Variants in DNAH11 observed in about 807,000 individuals in gnomAD.
The protein encoded by DNAH11 is axonemal beta dynein heavy chain 11.
DNAH11 carries 442 observed loss-of-function variants against 526.0 expected under a neutral mutation model. That is an observed-to-expected ratio of 0.84 (90% CI 0.78 to 0.91). The LOEUF (loss-of-function observed/expected upper bound fraction) is 0.91. Ranked by LOEUF, DNAH11 falls within the 40% of genes least tolerant of loss-of-function variation. The probability of loss-of-function intolerance (pLI) is 0.00; values close to 1 mark genes in which losing one functional copy is unlikely to be tolerated. For synonymous variants in DNAH11, 2,461 were observed against 1,935.9 expected, an observed-to-expected ratio of 1.27 and a Z score of -7.12; for missense variants, 6,989 against 5,448.7, an observed-to-expected ratio of 1.28 and a Z score of -8.90.
At chr7:21,765,879 A>G (rs779854418) in intron 55 of DNAH11, among the ~76,000 whole-genome samples, 7 of 152,176 alleles carry the variant, frequency 4.6e-5, no homozygotes, top group Admixed American at 1.3e-4. Context: ...GCACTGACTC[A>G]CTGGAAGCCC....
intron 6 of DNAH11, among the ~76,000 whole-genome samples, chr7:21,565,040 C>A (rs1783607463): frequency 6.6e-6 from 1 of 152,168 alleles, no homozygotes; most frequent in Admixed American, 6.5e-5. Flanking sequence ...CTACATAATC[C>A]AGTGGTTCTT....
In DNAH11 at chr7:21,600,878, C is replaced by T. The variant is rs1160449328; in HGVS notation, c.3203C>T (p.Ala1068Val). The T allele has an allele frequency of 1.2e-6, 2 of 1,613,778 alleles. No homozygotes were observed. The highest frequency in any genetic ancestry group is 2.7e-5 in the African/African-American group (2 of 74,928). Residue 1068 changes from alanine (A) to valine (V), a missense_variant, in exon 16 of 82, where the codon GCA (alanine) becomes GTA (valine). Physicochemically the swap from Ala to Val is moderately conservative, Grantham distance 64. Coordinates refer to ENST00000409508, the MANE Select transcript of DNAH11 (RefSeq NM_001277115.2). ...AVSSDEMDAH[A>V]NEEIPEQPPT... ...TCTTCCGATGAAATGGATGCTCATG[C>T]AAATGAAGAAATTCCCGAACAACCA...
chr7:21,678,547 A>C (rs1782999948), intron 30 of DNAH11, among the ~76,000 whole-genome samples: 1 of 151,832 alleles, frequency 6.6e-6, no homozygotes, highest in African/African-American at 2.4e-5. Flanking sequence ...GTCCTTGGTG[A>C]TTCCATACAA....
intron 45 of DNAH11, among the ~76,000 whole-genome samples, chr7:21,728,257 T>G (rs1159393485): frequency 8.0e-6 from 1 of 124,558 alleles, no homozygotes; most frequent in Non-Finnish European, 1.7e-5. Flanking sequence ...TTTTTTTTTT[T>G]TTTTTTTTTT....
chr7:21,707,451 A>G (rs1784310530), intron 39 of DNAH11, among the ~76,000 whole-genome samples: 1 of 152,146 alleles, frequency 6.6e-6, no homozygotes, highest in Non-Finnish European at 1.5e-5. Context: ...TGAGAAAGTG[A>G]CTCCCTTTAG....
intron 68 of DNAH11, among the ~76,000 whole-genome samples, chr7:21,856,042 G>A (rs1782834359): frequency 6.6e-6 from 1 of 152,180 alleles, no homozygotes; most frequent in African/African-American, 2.4e-5. Flanking sequence ...TGTGTGAGAT[G>A]AAAGAATTCA....
At chr7:21,571,289 C>T (rs1783878252) in intron 7 of DNAH11, among the ~76,000 whole-genome samples, 1 of 151,806 alleles carries the variant, frequency 6.6e-6, no homozygotes, top group South Asian at 2.1e-4. Context: ...TTTTTGTTTT[C>T]TTTTTTTTAG....
chr7:21,807,760 C>T, intron 62 of DNAH11, 123 bp from the exon 63 acceptor site: 1 of 842,360 alleles, frequency 1.2e-6, no homozygotes, highest in Non-Finnish European at 1.7e-6. Context: ...ACCCGTTACA[C>T]TCTGTTCCTT....
At chr7:21,732,183 G>A (rs140983941) in intron 45 of DNAH11, among the ~76,000 whole-genome samples, 53 of 152,272 alleles carry the variant, frequency 3.5e-4, no homozygotes, top group African/African-American at 1.2e-3. Context: ...CTGGAGGCTA[G>A]CAGTCCAAGT....
At chr7:21,870,607 C>A (rs1022172394) in intron 73 of DNAH11, among the ~76,000 whole-genome samples, 3 of 152,106 alleles carry the variant, frequency 2.0e-5, no homozygotes, top group Non-Finnish European at 4.4e-5. Context: ...CTGGAGAGAA[C>A]ACTAGGAGGG....
intron 30 of DNAH11, among the ~76,000 whole-genome samples, chr7:21,674,247 G>A (rs1782768973): frequency 6.6e-6 from 1 of 151,830 alleles, no homozygotes; most frequent in African/African-American, 2.4e-5. Flanking sequence ...GTACAGACGA[G>A]GCTTCACCAT....
intron 30 of DNAH11, among the ~76,000 whole-genome samples, chr7:21,677,089 A>G (rs1009508514): frequency 2.0e-5 from 3 of 152,230 alleles, no homozygotes; most frequent in Non-Finnish European, 4.4e-5. Context: ...ACATAAAACA[A>G]TAATCACATC....
At chr7:21,583,588 C>G (rs1306608186) in intron 9 of DNAH11, among the ~76,000 whole-genome samples, 1 of 152,156 alleles carries the variant, frequency 6.6e-6, no homozygotes, top group Admixed American at 6.6e-5. Context: ...CAAATGGGAT[C>G]TAATTAAACT....
intron 25 of DNAH11, 119 bp downstream of exon 25, chr7:21,620,197 C>T: frequency 1.1e-6 from 1 of 921,648 alleles, no homozygotes; most frequent in South Asian, 2.3e-5. Context: ...AAGATTAAAT[C>T]AGGCTAACCG....
chr7:21,839,105 C>G (rs928435282), intron 65 of DNAH11, among the ~76,000 whole-genome samples: 2 of 152,076 alleles, frequency 1.3e-5, no homozygotes, highest in African/African-American at 4.8e-5. Context: ...TATTAAGCAT[C>G]TTTTCATATG....
intron 63 of DNAH11, among the ~76,000 whole-genome samples, chr7:21,812,824 C>G (rs903120495): frequency 1.3e-5 from 2 of 152,128 alleles, no homozygotes; most frequent in African/African-American, 4.8e-5. Context: ...CCTGTTGATG[C>G]TGAATCACTT....
intron 43 of DNAH11, among the ~76,000 whole-genome samples, chr7:21,719,238 T>C (rs912599722): frequency 3.9e-5 from 6 of 152,242 alleles, no homozygotes; most frequent in Non-Finnish European, 1.5e-5. Flanking sequence ...CTAATAAGTA[T>C]GGAAATTTGA....
At chr7:21,649,086 C>G (rs933116799) in intron 28 of DNAH11, among the ~76,000 whole-genome samples, 2 of 152,132 alleles carry the variant, frequency 1.3e-5, no homozygotes, top group East Asian at 3.9e-4. Flanking sequence ...CATATACTTG[C>G]TCATACAATG....
intron 12 of DNAH11, among the ~76,000 whole-genome samples, chr7:21,590,693 A>G (rs1419051981): frequency 6.6e-6 from 1 of 152,252 alleles, no homozygotes; most frequent in Non-Finnish European, 1.5e-5. Flanking sequence ...ACCAATTTAT[A>G]GAAACTAATT....
Sources: allele counts gnomAD v4.1 joint callset (sites outside exome capture counted in the v4.1 genomes callset), GRCh38; gene constraint gnomAD v4.1.1; transcripts MANE v1.5; gene names NCBI Gene and HGNC (gene_info 2026-07-23, HGNC 2026-07-21).